The following ARPP21 variants were observed in gnomAD, a reference collection of about 807,000 sequenced individuals.
The protein encoded by ARPP21 is cAMP regulated phosphoprotein 21.
In ARPP21, 69 loss-of-function variants were observed where a neutral mutation model predicts 113.2. The observed-to-expected ratio is 0.61, with a 90% CI of 0.50 to 0.74. The LOEUF (loss-of-function observed/expected upper bound fraction) is 0.74. Ranked by LOEUF, ARPP21 falls within the 30% of genes least tolerant of loss-of-function variation. The pLI, the probability that ARPP21 is intolerant of heterozygous loss-of-function variation, is 0.00. For missense variants in ARPP21, 1,070 were observed against 1,037.4 expected, an observed-to-expected ratio of 1.03 and a Z score of -0.43; for synonymous variants, 368 against 375.5, an observed-to-expected ratio of 0.98 and a Z score of 0.23.
At chr3:35,659,651 C>T (rs1385052092) in intron 1 of ARPP21, among the ~76,000 whole-genome samples, 2 of 152,096 alleles carry the variant, frequency 1.3e-5, no homozygotes, top group Admixed American at 1.3e-4. Context: ...AGAGGAGGAA[C>T]AGATCATGAA....
upstream of ARPP21, chr3:35,639,458 G>A (rs950908134): frequency 2.0e-5 from 3 of 152,208 alleles, no homozygotes; most frequent in Admixed American, 6.5e-5. The surrounding 1 kb of genome is among the most constrained non-coding windows in gnomAD (Gnocchi z 5.0). Flanking sequence ...GAGCTGCGGG[G>A]AGGAGCCGGG....
Position 35,743,891 on chromosome 3 carries a change from AGTACCGGCCCATGGCCCCG to A in ARPP21, c.2066_2084del (p.Tyr689PhefsTer33). On this transcript the variant is annotated frameshift_variant, in exon 19 of 21. Coordinates refer to ENST00000684406, the MANE Select transcript of ARPP21 (RefSeq NM_001385562.1). LOFTEE classifies it high-confidence loss of function. ...CAGTACCCTACCTCAACCACGCAAC[AGTACCGGCCCATGGCCCCG>A]GTTCAGTACAACGCTCAGAGGAGTC... is the stretch of plus-strand genomic sequence containing the variant. 1 of 1,613,896 alleles carries A rather than the reference AGTACCGGCCCATGGCCCCG, an allele frequency of 6.2e-7. No individual in the cohort carries two copies. The highest frequency in any genetic ancestry group is 8.5e-7 in the Non-Finnish European group (1 of 1,179,734).
intron 11 of ARPP21, among the ~76,000 whole-genome samples, chr3:35,712,912 T>C (rs1157361303): frequency 6.6e-6 from 1 of 152,204 alleles, no homozygotes; most frequent in African/African-American, 2.4e-5. Context: ...AGCAATATAC[T>C]TGAGAAGGTA....
intron 19 of ARPP21, among the ~76,000 whole-genome samples, chr3:35,784,104 T>A (rs1461534444): frequency 6.6e-6 from 1 of 152,216 alleles, no homozygotes; most frequent in Non-Finnish European, 1.5e-5. Flanking sequence ...GTTTATGGCC[T>A]GTCTCCACCA....
In ARPP21 at chr3:35,687,731, C is replaced by T; in HGVS notation, c.262-8C>T. The T allele has an allele frequency of 1.3e-6, 2 of 1,595,118 alleles. No homozygotes were observed. On this transcript the variant is annotated splice_region_variant and splice_polypyrimidine_tract_variant and intron_variant, in intron 5 of 20. Coordinates refer to ENST00000684406, the MANE Select transcript of ARPP21 (RefSeq NM_001385562.1). Reference sequence around the variant, plus strand: ...TGGCCCTAAATTATTATATTTTTTCCCCAACAGGAATCAATTCATTTACAG... The same window carrying T: ...TGGCCCTAAATTATTATATTTTTTCTCCAACAGGAATCAATTCATTTACAG...
chr3:35,742,553 T>A (rs73059278), intron 18 of ARPP21, among the ~76,000 whole-genome samples: 5 of 152,154 alleles, frequency 3.3e-5, no homozygotes, highest in Non-Finnish European at 7.4e-5. Flanking sequence ...ATCCATATGT[T>A]ATGTAGCCAC....
At chr3:35,676,827 A>T (rs1252801555) in intron 1 of ARPP21, among the ~76,000 whole-genome samples, 1 of 151,890 alleles carries the variant, frequency 6.6e-6, no homozygotes, top group Non-Finnish European at 1.5e-5. Flanking sequence ...AAGGTTCAAA[A>T]TCTTTCTTAA....
intron 16 of ARPP21, among the ~76,000 whole-genome samples, chr3:35,737,966 G>A (rs1240760290): frequency 1.3e-5 from 2 of 152,208 alleles, no homozygotes; most frequent in Non-Finnish European, 2.9e-5. Flanking sequence ...TTCAGACCCA[G>A]AGGATCTAAC....
At chr3:35,725,213 T>C (rs1484621188) in intron 14 of ARPP21, among the ~76,000 whole-genome samples, 2 of 152,130 alleles carry the variant, frequency 1.3e-5, no homozygotes, top group Non-Finnish European at 2.9e-5. Flanking sequence ...CCCACAGAAA[T>C]TGAGAGATAG....
At chr3:35,699,455 C>CATTTTA (rs1330654237) in intron 9 of ARPP21, among the ~76,000 whole-genome samples, 1 of 151,554 alleles carries the variant, frequency 6.6e-6, no homozygotes, top group Non-Finnish European at 1.5e-5. Flanking sequence ...ATAATAATAA[C>CATTTTA]ATGTTTTAAT....
At chr3:35,766,831 A>ATG (rs10662640) in intron 19 of ARPP21, among the ~76,000 whole-genome samples, 21,989 of 149,906 alleles carry the variant, frequency 0.15, 1,723 homozygotes, top group African/African-American at 0.18. Flanking sequence ...TATTATACAT[A>ATG]TGTGTGTGTG....
At chr3:35,738,376 C>A in intron 17 of ARPP21, 58 bp downstream of exon 17, 1 of 1,425,832 alleles carries the variant, frequency 7.0e-7, no homozygotes. Context: ...TCTGATTTTA[C>A]TACTTTTTTG....
intron 1 of ARPP21, among the ~76,000 whole-genome samples, chr3:35,661,627 C>A (rs114958968): frequency 0.016 from 2,361 of 152,180 alleles, 61 homozygotes; most frequent in African/African-American, 0.054. Flanking sequence ...CTATAAAATT[C>A]AAAAAATCAA....
At chr3:35,775,968 G>T (rs1260973879) in intron 19 of ARPP21, among the ~76,000 whole-genome samples, 1 of 151,936 alleles carries the variant, frequency 6.6e-6, no homozygotes, top group Non-Finnish European at 1.5e-5. Context: ...ACATTGTTTG[G>T]ATATTTTGTC....
At chr3:35,667,707 T>A (rs2074748981) in intron 1 of ARPP21, among the ~76,000 whole-genome samples, 1 of 151,956 alleles carries the variant, frequency 6.6e-6, no homozygotes, top group African/African-American at 2.4e-5. Context: ...TAATCTAGTC[T>A]TAAATTGGAT....
At chr3:35,740,367 T>G (rs1182875465) in intron 18 of ARPP21, among the ~76,000 whole-genome samples, 3 of 152,246 alleles carry the variant, frequency 2.0e-5, no homozygotes, top group Admixed American at 2.0e-4. Flanking sequence ...ATCCTAATTA[T>G]GAAGTATTGC....
intron 9 of ARPP21, among the ~76,000 whole-genome samples, chr3:35,703,100 A>C (rs765974470): frequency 3.3e-5 from 5 of 151,926 alleles, no homozygotes; most frequent in Non-Finnish European, 5.9e-5. Context: ...ATTCAGTAGA[A>C]TTAAATTCTT....
At chr3:35,767,460 A>G (rs1221353018) in intron 19 of ARPP21, among the ~76,000 whole-genome samples, 4 of 152,154 alleles carry the variant, frequency 2.6e-5, no homozygotes, top group Non-Finnish European at 5.9e-5. Context: ...ATATTTATAA[A>G]TTAATTTGCC....
chr3:35,674,996 G>T (rs1287359646), intron 1 of ARPP21, among the ~76,000 whole-genome samples: 1 of 151,680 alleles, frequency 6.6e-6, no homozygotes, highest in Non-Finnish European at 1.5e-5. Flanking sequence ...ATTGAAAAGA[G>T]CTCTGACACC....
Sources: gnomAD v4.1 joint callset for allele counts (sites outside exome capture counted in the v4.1 genomes callset) on GRCh38, gnomAD v4.1.1 for gene constraint, Gnocchi (gnomAD v3.1) non-coding constraint, MANE v1.5 for transcripts, NCBI Gene and HGNC (gene_info 2026-07-23, HGNC 2026-07-21) for gene names.